The following GPHN variants were observed in gnomAD, a reference collection of about 807,000 sequenced individuals.
GPHN encodes gephyrin.
In GPHN, 17 loss-of-function variants were observed where a neutral mutation model predicts 95.5. That is an observed-to-expected ratio of 0.18 (90% CI 0.12 to 0.27). The LOEUF is 0.27. Among genes scored for constraint, GPHN ranks in the 10% least tolerant of loss-of-function variants. The pLI is 1.00. For synonymous variants in GPHN, 320 were observed against 322.5 expected (o/e 0.99, Z 0.08); for missense variants, 660 against 978.1 (o/e 0.67, Z 4.34).
the GPHN span, among the ~76,000 whole-genome samples, chr14:67,417,982 G>C: frequency 9.2e-5 from 14 of 152,192 alleles, no homozygotes; most frequent in African/African-American, 2.9e-4. Flanking sequence ...CTGGGCGCAA[G>C]TGATCCTCCT....
intron 1 of GPHN, among the ~76,000 whole-genome samples, chr14:66,636,470 G>A (rs943400420): frequency 6.6e-6 from 1 of 151,758 alleles, no homozygotes; most frequent in Non-Finnish European, 1.5e-5. Flanking sequence ...CCTTTATTTG[G>A]CTGTGTCTCC....
At chr14:67,164,192 C>T (rs1342646333) in intron 19 of GPHN, among the ~76,000 whole-genome samples, 14 of 133,538 alleles carry the variant, frequency 1.0e-4, no homozygotes, top group African/African-American at 1.8e-4. Flanking sequence ...CACTTGAACC[C>T]GGGAGGCGGG....
At chr14:66,950,995 G>A (rs2068070594) in intron 8 of GPHN, among the ~76,000 whole-genome samples, 1 of 152,022 alleles carries the variant, frequency 6.6e-6, no homozygotes, top group Non-Finnish European at 1.5e-5. Flanking sequence ...CACAGTCTTG[G>A]CTAACTGCAA....
chr14:66,819,026 A>G (rs1372528332), intron 3 of GPHN, among the ~76,000 whole-genome samples: 1 of 152,112 alleles, frequency 6.6e-6, no homozygotes, highest in Non-Finnish European at 1.5e-5. Flanking sequence ...ATTGTCTCCC[A>G]TTCTGTAGGT....
At chr14:67,256,332 A>C in the GPHN span, among the ~76,000 whole-genome samples, 1 of 152,216 alleles carries the variant, frequency 6.6e-6, no homozygotes, top group Non-Finnish European at 1.5e-5. Context: ...GTTTCATGTC[A>C]GTTCATAAAG....
At chr14:67,146,445 C>A (rs1345405573) in intron 18 of GPHN, among the ~76,000 whole-genome samples, 2 of 152,184 alleles carry the variant, frequency 1.3e-5, no homozygotes. Flanking sequence ...TATAAGTTTT[C>A]TTCGACCTAC....
intron 4 of GPHN, among the ~76,000 whole-genome samples, chr14:66,851,182 T>G (rs763250508): frequency 3.3e-5 from 5 of 151,426 alleles, no homozygotes; most frequent in Admixed American, 1.3e-4. Context: ...AAATAGTAAG[T>G]TACACCATAA....
At chr14:67,674,368 G>A in the GPHN span, 1 of 1,584,548 alleles carries the variant, frequency 6.3e-7, no homozygotes, top group African/African-American at 1.4e-5. Context: ...GCCCACCCCC[G>A]CCTCACCGGT....
At chr14:67,185,932 A>G (rs547510922), downstream of GPHN, among the ~76,000 whole-genome samples, 1 of 152,194 alleles carries the variant, frequency 6.6e-6, no homozygotes, top group Non-Finnish European at 1.5e-5. Flanking sequence ...TCCAATGATG[A>G]TGGGTCTACA....
At chr14:67,428,378 G>T in the GPHN span, among the ~76,000 whole-genome samples, 1 of 152,184 alleles carries the variant, frequency 6.6e-6, no homozygotes, top group South Asian at 2.1e-4. Flanking sequence ...CCCAAGATTG[G>T]AATAATATTC....
chr14:67,053,846 A>T lies in GPHN; in HGVS notation c.1007-4803A>T, dbSNP rs961044916. ...TAAACGAGATTTATCACATAAACAGAACTAAACACAAAAACCGCATGATTA... is the reference window on the plus strand; with the variant it reads ...TAAACGAGATTTATCACATAAACAGTACTAAACACAAAAACCGCATGATTA... On this transcript the variant is annotated intron_variant, in intron 10 of 22. Transcript: ENST00000478722. Among the ~76,000 whole-genome samples the T allele has an allele frequency of 9.2e-5, 14 of 152,360 alleles. No individual in the cohort carries two copies. In the East Asian group the frequency reaches 2.7e-3, roughly 29 times the overall value.
At chr14:67,537,919 A>G in the GPHN span, among the ~76,000 whole-genome samples, 1 of 152,234 alleles carries the variant, frequency 6.6e-6, no homozygotes, top group South Asian at 2.1e-4. Flanking sequence ...CAAAGCAGGT[A>G]TCAAGACTAT....
the GPHN span, chr14:67,279,686 G>A: frequency 2.3e-5 from 16 of 699,552 alleles, no homozygotes; most frequent in Admixed American, 7.2e-5. Context: ...TGGAAACGCC[G>A]TATAACTATT....
the GPHN span, among the ~76,000 whole-genome samples, chr14:67,428,631 G>A: frequency 1.6e-4 from 24 of 152,342 alleles, no homozygotes; most frequent in African/African-American, 5.8e-4. Context: ...CACACACACT[G>A]CCTCTGCAGA....
chr14:67,418,493 A>C, the GPHN span, among the ~76,000 whole-genome samples: 1 of 152,230 alleles, frequency 6.6e-6, no homozygotes, highest in Non-Finnish European at 1.5e-5. Flanking sequence ...CTCGATTTGG[A>C]CAATGCAACC....
At chr14:67,018,477 T>G (rs1257237343) in intron 9 of GPHN, among the ~76,000 whole-genome samples, 1 of 152,180 alleles carries the variant, frequency 6.6e-6, no homozygotes, top group East Asian at 1.9e-4. Context: ...GTCTAAGGTC[T>G]AAAAGTTCAA....
chr14:66,991,300 T>A (rs1387443248), intron 9 of GPHN, among the ~76,000 whole-genome samples: 1 of 152,096 alleles, frequency 6.6e-6, no homozygotes, highest in Non-Finnish European at 1.5e-5. Flanking sequence ...ACTACAAAAA[T>A]TACTACAAAT....
At chr14:67,702,464 G>C in the GPHN span, among the ~76,000 whole-genome samples, 2 of 152,024 alleles carry the variant, frequency 1.3e-5, no homozygotes, top group Non-Finnish European at 2.9e-5. Flanking sequence ...GATTATTTTG[G>C]TTTTGGCTGG....
At chr14:66,508,616 C>T in intron 1 of GPHN, 25 bp downstream of exon 1, 1 of 1,587,794 alleles carries the variant, frequency 6.3e-7, no homozygotes, top group Non-Finnish European at 8.7e-7. Flanking sequence ...AGGTCTGGGA[C>T]CTATGAGGCT....
Sources: gnomAD v4.1 joint callset for allele counts (sites outside exome capture counted in the v4.1 genomes callset) on GRCh38, gnomAD v4.1.1 for gene constraint, MANE v1.5 for transcripts, NCBI Gene and HGNC (gene_info 2026-07-23, HGNC 2026-07-21) for gene names.